COLGALT2: variants seen among roughly 807,000 people sequenced by gnomAD.
COLGALT2 encodes the protein collagen beta(1-O)galactosyltransferase 2.
In COLGALT2, 49 loss-of-function variants were observed where a neutral mutation model predicts 73.4. The observed-to-expected ratio is 0.67, with a 90% CI of 0.53 to 0.85. COLGALT2 has a LOEUF of 0.85. Ranked by LOEUF, COLGALT2 falls within the 40% of genes least tolerant of loss-of-function variation. The pLI is 0.00. For missense variants in COLGALT2, 722 were observed against 790.2 expected (o/e 0.91, Z 1.03); for synonymous variants, 295 against 307.6 (o/e 0.96, Z 0.43).
At chr1:183,940,946 G>A (rs879890440) in intron 10 of COLGALT2, among the ~76,000 whole-genome samples, 159 bp from the exon 11 acceptor site, 5 of 152,236 alleles carry the variant, frequency 3.3e-5, no homozygotes, top group Non-Finnish European at 7.3e-5. Context: ...CCAATCGCCA[G>A]TCAGGACTGC....
At chr1:183,979,091 C>G (rs1400142458) in intron 1 of COLGALT2, among the ~76,000 whole-genome samples, 1 of 152,154 alleles carries the variant, frequency 6.6e-6, no homozygotes, top group Non-Finnish European at 1.5e-5. Context: ...TTTGGATTAA[C>G]TTTACCATCA....
At chr1:183,960,842 G>T (rs1249895922) in intron 6 of COLGALT2, among the ~76,000 whole-genome samples, 6 of 152,104 alleles carry the variant, frequency 3.9e-5, no homozygotes, top group Non-Finnish European at 8.8e-5. Context: ...TCTTCTTCCA[G>T]TGTGGCCCAG....
intron 1 of COLGALT2, among the ~76,000 whole-genome samples, chr1:183,988,979 A>G (rs553845917): frequency 6.6e-6 from 1 of 152,344 alleles, no homozygotes; most frequent in East Asian, 1.9e-4. Flanking sequence ...TTAACATTTA[A>G]AGTAATTTTC....
chr1:184,034,700 C>T (rs1483509896), intron 1 of COLGALT2, among the ~76,000 whole-genome samples: 1 of 152,162 alleles, frequency 6.6e-6, no homozygotes, highest in Non-Finnish European at 1.5e-5. Context: ...CATTTTGAAG[C>T]TTAAACCAGA....
At chr1:184,008,196 T>A (rs1355037270) in intron 1 of COLGALT2, among the ~76,000 whole-genome samples, 3 of 152,052 alleles carry the variant, frequency 2.0e-5, no homozygotes, top group Non-Finnish European at 4.4e-5. Context: ...AAGCTAATCA[T>A]GAGGAAACAT....
downstream of COLGALT2, among the ~76,000 whole-genome samples, chr1:183,935,675 A>G (rs1401160022): frequency 6.6e-6 from 1 of 152,072 alleles, no homozygotes; most frequent in African/African-American, 2.4e-5. Flanking sequence ...CCCTCACTGC[A>G]CAGTAAGGGC....
downstream of COLGALT2, chr1:183,935,780 C>G (rs1669935270): frequency 1.2e-6 from 1 of 857,410 alleles, no homozygotes; most frequent in African/African-American, 1.8e-5. Flanking sequence ...ACCTGGTAAT[C>G]TCTGCAGCGT....
chr1:183,936,514 A>G lies in COLGALT2; in HGVS notation c.*2247T>C. 9.8e-7 allele frequency: 1 copy of G among 1,020,382 alleles called. No homozygotes were observed. The highest frequency in any genetic ancestry group is 1.2e-6 in the Non-Finnish European group (1 of 853,150). The allele number at this position is 1,020,382 out of a possible 1,614,324, so 63.2% of individuals were successfully genotyped here. A position where few individuals can be genotyped will look rare whatever the true frequency, so the allele number is the denominator to read the frequency against. On this transcript the variant is annotated 3_prime_UTR_variant, in exon 12 of 12. Coordinates refer to ENST00000361927, the MANE Select transcript of COLGALT2 (RefSeq NM_015101.4). ...TCTTAAATCTGTCAGACCAGCTGAC[A>G]GGGGAACAGGAAAAAAAAAATTCTC...
intron 1 of COLGALT2, among the ~76,000 whole-genome samples, chr1:184,009,474 T>C (rs1444567343): frequency 6.6e-6 from 1 of 152,214 alleles, no homozygotes; most frequent in Non-Finnish European, 1.5e-5. Flanking sequence ...TAAATCTAGA[T>C]TGTAAATGGC....
chr1:184,034,354 T>G (rs1649607598), intron 1 of COLGALT2, among the ~76,000 whole-genome samples: 1 of 151,996 alleles, frequency 6.6e-6, no homozygotes, highest in South Asian at 2.1e-4. Context: ...CAGGTTTTAG[T>G]TGATTTTTAC....
At chr1:183,942,360 G>T (rs1670139673) in intron 10 of COLGALT2, among the ~76,000 whole-genome samples, 1 of 151,868 alleles carries the variant, frequency 6.6e-6, no homozygotes. Context: ...GGTAAACTAT[G>T]TCATTAATGG....
chr1:183,986,926 T>G (rs2102826731), intron 1 of COLGALT2, among the ~76,000 whole-genome samples: 1 of 152,144 alleles, frequency 6.6e-6, no homozygotes, highest in South Asian at 2.1e-4. Flanking sequence ...CCACCACACC[T>G]GTCCAACAAA....
chr1:184,022,154 G>T (rs1649197773), intron 1 of COLGALT2, among the ~76,000 whole-genome samples: 2 of 152,140 alleles, frequency 1.3e-5, no homozygotes, highest in Admixed American at 1.3e-4. Flanking sequence ...TAATCATTCT[G>T]TACAAGGTGA....
At chr1:183,954,574 C>A (rs1670501883) in intron 7 of COLGALT2, among the ~76,000 whole-genome samples, 188 bp downstream of exon 7, 1 of 152,166 alleles carries the variant, frequency 6.6e-6, no homozygotes, top group Non-Finnish European at 1.5e-5. Flanking sequence ...TATCATGATA[C>A]TCCTTTTTTT....
At chr1:183,962,929 C>T (rs550217938) in intron 6 of COLGALT2, among the ~76,000 whole-genome samples, 8 of 152,324 alleles carry the variant, frequency 5.3e-5, no homozygotes, top group South Asian at 4.1e-4. Flanking sequence ...GGGCTCCTGC[C>T]CACTTTCTAG....
In COLGALT2 at chr1:184,036,714, G is replaced by A. The variant is rs150951161; in HGVS notation, c.263+381C>T. Among the ~76,000 whole-genome samples, 966 of 152,344 alleles carry A rather than the reference G, an allele frequency of 6.3e-3. 6 individuals carry two copies. Among genetic ancestry groups the A allele is most frequent in the Non-Finnish European group, 9.9e-3 (671 of 68,028 alleles). On this transcript the variant is annotated intron_variant, in intron 1 of 11. Coordinates refer to ENST00000361927, the MANE Select transcript of COLGALT2 (RefSeq NM_015101.4). The stretch of plus-strand genomic sequence containing the variant: ...ACAGGCACCCTATCCCCTCACGTCA[G>A]GGCTAGCAGTATGAGGTGGGGAAAG...
At chr1:183,981,234 CA>C (rs957587130) in intron 1 of COLGALT2, among the ~76,000 whole-genome samples, 10 of 151,992 alleles carry the variant, frequency 6.6e-5, no homozygotes, top group African/African-American at 2.4e-4. Context: ...AAAGTTTCAT[CA>C]AAAATATATA....
At chr1:183,965,504 G>A (rs1207165418) in intron 5 of COLGALT2, among the ~76,000 whole-genome samples, 1 of 152,174 alleles carries the variant, frequency 6.6e-6, no homozygotes, top group Non-Finnish European at 1.5e-5. Flanking sequence ...GGAGGAAGAA[G>A]AGGAGGACGA....
intron 4 of COLGALT2, among the ~76,000 whole-genome samples, chr1:183,973,041 A>G (rs3010043): frequency 0.64 from 97,824 of 152,056 alleles, 33,542 homozygotes; most frequent in Non-Finnish European, 0.78. Flanking sequence ...CTAAAAAGCT[A>G]TCCTAAGGAT....
Sources: allele counts gnomAD v4.1 joint callset (sites outside exome capture counted in the v4.1 genomes callset), GRCh38; gene constraint gnomAD v4.1.1; transcripts MANE v1.5; gene names NCBI Gene and HGNC (gene_info 2026-07-23, HGNC 2026-07-21).